Variants in WWOX observed in about 807,000 individuals in gnomAD.
WWOX encodes the protein WW domain containing oxidoreductase, also known as WW domain-containing oxidoreductase.
Under a neutral mutation model 46.2 loss-of-function variants are expected in WWOX, and 69 were observed. That is an observed-to-expected ratio of 1.49 (90% CI 1.23 to 1.82). The LOEUF (loss-of-function observed/expected upper bound fraction) is 1.82. Ranked by LOEUF, WWOX falls within the 40% of genes most tolerant of loss-of-function variation. The pLI is 0.00. For synonymous variants in WWOX, 359 were observed against 202.6 expected, an observed-to-expected ratio of 1.77 and a Z score of -6.56; for missense variants, 919 against 542.6, an observed-to-expected ratio of 1.69 and a Z score of -6.89.
At chr16:79,183,269 A>T (rs1318877104) in intron 8 of WWOX, among the ~76,000 whole-genome samples, 2 of 152,198 alleles carry the variant, frequency 1.3e-5, no homozygotes, top group Non-Finnish European at 2.9e-5. Context: ...TACAAGGTCA[A>T]GGCTCCCTGT....
At chr16:78,473,942 T>A (rs921649659) in intron 8 of WWOX, among the ~76,000 whole-genome samples, 1 of 152,224 alleles carries the variant, frequency 6.6e-6, no homozygotes, top group Non-Finnish European at 1.5e-5. Flanking sequence ...CTTTCCCTGT[T>A]AATTCCTTGG....
In WWOX at chr16:78,420,628, T is replaced by C. The variant is rs62034092; in HGVS notation, c.606-4242T>C. 5.1e-3 allele frequency among the ~76,000 whole-genome samples: 757 copies of C among 148,986 alleles called. 7 individuals carry two copies. Among genetic ancestry groups the C allele is most frequent in the South Asian group, 0.022 (101 of 4,618 alleles). Reference sequence around the variant, plus strand: ...TTTTGGGAATAAGAGTGTAGGTAGATAGAGGGTGGCTAGTGATTGCTAATT... The same window carrying C: ...TTTTGGGAATAAGAGTGTAGGTAGACAGAGGGTGGCTAGTGATTGCTAATT... On this transcript the variant is annotated intron_variant, in intron 6 of 8. Transcript: ENST00000566780.
intron 5 of WWOX, among the ~76,000 whole-genome samples, chr16:78,356,021 G>A (rs1597088634): frequency 8.2e-6 from 1 of 122,554 alleles, no homozygotes; most frequent in South Asian, 2.7e-4. Flanking sequence ...TGGTATTTTC[G>A]TTTTTCTCAA....
At chr16:78,631,587 C>T (rs1387698382) in intron 8 of WWOX, among the ~76,000 whole-genome samples, 1 of 142,868 alleles carries the variant, frequency 7.0e-6, no homozygotes, top group South Asian at 2.2e-4. Context: ...CACCCAGGGT[C>T]TAGCACAGTG....
chr16:78,696,977 C>A (rs528215850), intron 8 of WWOX, among the ~76,000 whole-genome samples: 3,968 of 152,302 alleles, frequency 0.026, 68 homozygotes, highest in Middle Eastern at 0.085. Context: ...ATCCAGGTTG[C>A]TGAAAATGCC....
chr16:78,698,010 A>G (rs1198577442), intron 8 of WWOX, among the ~76,000 whole-genome samples: 1 of 152,218 alleles, frequency 6.6e-6, no homozygotes, highest in Non-Finnish European at 1.5e-5. Context: ...TTAGTAGGTC[A>G]AGATATACTA....
intron 4 of WWOX, among the ~76,000 whole-genome samples, chr16:78,137,968 T>C (rs2151704128): frequency 6.7e-6 from 1 of 150,314 alleles, no homozygotes; most frequent in East Asian, 1.9e-4. Context: ...AGGAACAGAG[T>C]GGGTGAGCAA....
intron 8 of WWOX, among the ~76,000 whole-genome samples, chr16:78,796,742 T>G (rs1597624955): frequency 1.3e-5 from 2 of 152,190 alleles, no homozygotes; most frequent in African/African-American, 4.8e-5. Flanking sequence ...ATTCTTCAGT[T>G]CCCAACGGCC....
At chr16:78,845,102 C>G (rs965434631) in intron 8 of WWOX, among the ~76,000 whole-genome samples, 9 of 148,310 alleles carry the variant, frequency 6.1e-5, no homozygotes, top group Non-Finnish European at 1.3e-4. Flanking sequence ...TTTAATAGCC[C>G]TGCATTCATG....
chr16:78,424,987 G>C lies in WWOX; in HGVS notation c.723G>C (p.Gln241His), dbSNP rs191029309. Reference sequence around the variant, plus strand: ...ATCTGGGGCACTTCTACCTTGTCCAGCTCCTCCAGGATGTTTTGTGCCGCT... The same window carrying C: ...ATCTGGGGCACTTCTACCTTGTCCACCTCCTCCAGGATGTTTTGTGCCGCT... Reference protein sequence around the residue: ...VNHLGHFYLVQLLQDVLCRSA... With the variant: ...VNHLGHFYLVHLLQDVLCRSA... Residue 241 changes from glutamine to histidine, a missense_variant, in exon 7 of 9, where the codon CAG becomes CAC. Gln to His is a conservative substitution (Grantham distance 24). Coordinates refer to ENST00000566780, the MANE Select transcript of WWOX (RefSeq NM_016373.4). 2 of 1,614,122 alleles carry C rather than the reference G, an allele frequency of 1.2e-6. No individual in the cohort carries two copies. Among genetic ancestry groups the C allele is most frequent in the South Asian group, 1.1e-5 (1 of 91,070 alleles).
intron 5 of WWOX, among the ~76,000 whole-genome samples, chr16:78,323,714 C>G (rs1023835983): frequency 5.9e-5 from 9 of 152,156 alleles, no homozygotes; most frequent in Admixed American, 5.9e-4. Context: ...ATCAGGAAAA[C>G]ATGTTTCTAT....
At chr16:78,422,700 C>CACACACACACAT (rs1265868420) in intron 6 of WWOX, among the ~76,000 whole-genome samples, 2,303 of 40,348 alleles carry the variant, frequency 0.057, 131 homozygotes, top group South Asian at 0.13. Flanking sequence ...CACACACACA[C>CACACACACACAT]ATATATATAT....
At chr16:79,157,115 A>G (rs916095949) in intron 8 of WWOX, among the ~76,000 whole-genome samples, 5 of 152,222 alleles carry the variant, frequency 3.3e-5, no homozygotes, top group Admixed American at 2.6e-4. Flanking sequence ...GTAATTCTGT[A>G]GAAATATTCC....
intron 5 of WWOX, among the ~76,000 whole-genome samples, chr16:78,232,720 A>G (rs1447205097): frequency 1.3e-5 from 2 of 152,236 alleles, no homozygotes; most frequent in Non-Finnish European, 2.9e-5. Context: ...TTGAAGATCA[A>G]ATGGGATCTG....
intron 8 of WWOX, among the ~76,000 whole-genome samples, chr16:78,455,936 TGCACTTAAGG>T (rs1262613319): frequency 6.6e-6 from 1 of 152,236 alleles, no homozygotes; most frequent in Non-Finnish European, 1.5e-5. Flanking sequence ...TAATCTCCTG[TGCACTTAAGG>T]GAGCTGGCAT....
At chr16:78,718,381 G>A (rs2048617324) in intron 8 of WWOX, among the ~76,000 whole-genome samples, 1 of 152,072 alleles carries the variant, frequency 6.6e-6, no homozygotes, top group Non-Finnish European at 1.5e-5. Context: ...TTATCATTGT[G>A]TTTTTATAGT....
chr16:78,306,926 C>G (rs778893816), intron 5 of WWOX, among the ~76,000 whole-genome samples: 37 of 152,208 alleles, frequency 2.4e-4, no homozygotes, highest in Admixed American at 1.3e-4. Flanking sequence ...TCTGCCCACT[C>G]TCCTTATGAC....
At chr16:79,171,803 G>C (rs543479412) in intron 8 of WWOX, among the ~76,000 whole-genome samples, 74 of 151,882 alleles carry the variant, frequency 4.9e-4, no homozygotes, top group Non-Finnish European at 4.1e-4. Context: ...CTGATGTCCT[G>C]ACAGCAGAAT....
At chr16:78,821,226 G>C (rs983043567) in intron 8 of WWOX, among the ~76,000 whole-genome samples, 2 of 152,062 alleles carry the variant, frequency 1.3e-5, no homozygotes, top group African/African-American at 4.8e-5. Context: ...TGCATGTTGA[G>C]CATCGTCTGT....
Sources: gnomAD v4.1 joint callset for allele counts (sites outside exome capture counted in the v4.1 genomes callset) on GRCh38, gnomAD v4.1.1 for gene constraint, MANE v1.5 for transcripts, NCBI Gene and HGNC (gene_info 2026-07-23, HGNC 2026-07-21) for gene names.